LRRCC1: variants seen among roughly 807,000 people sequenced by gnomAD.
The protein encoded by LRRCC1 is leucine rich repeat and coiled-coil centrosomal protein 1, also known as leucine-rich repeat and coiled-coil domain-containing protein 1.
LRRCC1 carries 115 observed loss-of-function variants against 126.0 expected under a neutral mutation model. The observed-to-expected ratio is 0.91, with a 90% CI of 0.78 to 1.07. LRRCC1 has a LOEUF of 1.07. LRRCC1 is among the 50% of genes least tolerant of loss of function. LRRCC1 has a pLI of 0.00. For synonymous variants in LRRCC1, 400 were observed against 393.4 expected, an observed-to-expected ratio of 1.02 and a Z score of -0.20; for missense variants, 1,172 against 1,175.7, an observed-to-expected ratio of 1.00 and a Z score of 0.05.
intron 9 of LRRCC1, among the ~76,000 whole-genome samples, chr8:85,128,503 G>T (rs190235925): frequency 7.1e-6 from 1 of 141,700 alleles, no homozygotes; most frequent in African/African-American, 2.7e-5. Flanking sequence ...CCTTGGTAGG[G>T]ACTCTGTATC....
chr8:85,141,248 C>T, intron 17 of LRRCC1, 134 bp from the exon 18 acceptor site: 1 of 604,274 alleles, frequency 1.7e-6, no homozygotes, highest in Admixed American at 3.3e-5. Context: ...CTATAATAGC[C>T]TTTGATATTT....
Position 85,110,332 on chromosome 8 carries a change from A to G in LRRCC1, c.376+152A>G, listed in dbSNP as rs533030488. On this transcript the variant is annotated intron_variant, in intron 3 of 18. Coordinates refer to ENST00000360375, the MANE Select transcript of LRRCC1 (RefSeq NM_033402.5). ...GAGAGCGTATTCCAGTCATGATTCT[A>G]TTTTGTTGGTACCAAAACCACAGCT... 21 of 395,950 alleles carry G rather than the reference A, an allele frequency of 5.3e-5. No individual in the cohort carries two copies. In the Admixed American group the frequency reaches 6.8e-4, roughly 13 times the overall value. 24.5% of individuals were successfully genotyped at this position (395,950 alleles called of 1,614,324 possible).
chr8:85,124,166 A>G (rs1317282930), intron 7 of LRRCC1, among the ~76,000 whole-genome samples: 1 of 152,196 alleles, frequency 6.6e-6, no homozygotes. Flanking sequence ...TGGGATCACC[A>G]TGACAAGTGG....
At chr8:85,128,505 C>T (rs1412509987) in intron 9 of LRRCC1, among the ~76,000 whole-genome samples, 1 of 138,256 alleles carries the variant, frequency 7.2e-6, no homozygotes, top group East Asian at 2.3e-4. Context: ...TTGGTAGGGA[C>T]TCTGTATCCC....
At chr8:85,144,470 ATATAT>A (rs1170281131) in intron 18 of LRRCC1, among the ~76,000 whole-genome samples, 188 of 18,018 alleles carry the variant, frequency 0.01, no homozygotes, top group Non-Finnish European at 0.013. Context: ...ATATATATAT[ATATAT>A]TTTTTTTTTT....
chr8:85,107,627 A>G (rs1429001127), intron 1 of LRRCC1: 1 of 428,248 alleles, frequency 2.3e-6, no homozygotes, highest in Non-Finnish European at 4.2e-6. Context: ...AGCGTTTCAC[A>G]CGACTCTGCT....
intron 18 of LRRCC1, among the ~76,000 whole-genome samples, chr8:85,145,005 A>C (rs1349828702): frequency 1.3e-5 from 2 of 150,362 alleles, no homozygotes; most frequent in African/African-American, 4.9e-5. Flanking sequence ...GCGTGAACCC[A>C]GGAGGCGGAG....
At chr8:85,134,120 T>C (rs1050868153) in intron 12 of LRRCC1, among the ~76,000 whole-genome samples, 29 of 152,190 alleles carry the variant, frequency 1.9e-4, no homozygotes, top group African/African-American at 6.8e-4. Flanking sequence ...GCTCCATTGT[T>C]GCATTCTCAG....
intron 12 of LRRCC1, among the ~76,000 whole-genome samples, chr8:85,132,766 T>G (rs963520165): frequency 6.6e-6 from 1 of 152,180 alleles, no homozygotes; most frequent in South Asian, 2.1e-4. Context: ...TGGTACTTTC[T>G]AGAAAAAGTT....
chr8:85,143,512 G>A (rs1457698867), intron 18 of LRRCC1, among the ~76,000 whole-genome samples: 3 of 151,798 alleles, frequency 2.0e-5, no homozygotes, highest in African/African-American at 4.8e-5. Flanking sequence ...GGTGGTACAC[G>A]CCTGTAGACC....
Position 85,135,046 on chromosome 8 carries a change from A to G in LRRCC1, c.2154+14A>G. 1 of 1,455,040 alleles carries G rather than the reference A, an allele frequency of 6.9e-7. No homozygotes were observed. Among genetic ancestry groups the G allele is most frequent in the East Asian group, 2.6e-5 (1 of 38,438 alleles). 90.1% of individuals were successfully genotyped at this position (1,455,040 alleles called of 1,614,324 possible). A position where few individuals can be genotyped will look rare whatever the true frequency, so the allele number is the denominator to read the frequency against. ...GCAAATTTACAGGTAAGACTTTGCAACATTATATGTTTTAAAATTTTTTTA... is the reference window on the plus strand; with the variant it reads ...GCAAATTTACAGGTAAGACTTTGCAGCATTATATGTTTTAAAATTTTTTTA... On this transcript the variant is annotated intron_variant, in intron 13 of 18. Transcript: ENST00000360375.
rs200391239 is a variant in LRRCC1 at position 85,124,867 on chromosome 8, A to G, written c.1200A>G (p.Leu400=). Residue 400 remains leucine, a synonymous_variant, in exon 8 of 19, where the codon TTA becomes TTG. Transcript: ENST00000360375. ...CATCTTTAGCAAACTGTCCTATGTTACAAGAATCAGAAAAGCCAAAGACTG... is the reference window on the plus strand; with the variant it reads ...CATCTTTAGCAAACTGTCCTATGTTGCAAGAATCAGAAAAGCCAAAGACTG... ...VSSSLANCPM[L]QESEKPKTEI... 110 of 1,606,536 alleles carry G rather than the reference A, an allele frequency of 6.8e-5. No homozygotes were observed. The highest frequency in any genetic ancestry group is 2.7e-4 in the African/African-American group (20 of 74,830).
At chr8:85,118,882 AT>A (rs1225954168) in intron 6 of LRRCC1, among the ~76,000 whole-genome samples, 1 of 151,820 alleles carries the variant, frequency 6.6e-6, no homozygotes, top group Non-Finnish European at 1.5e-5. Flanking sequence ...CCAATTTATC[AT>A]TTTTTTCCCT....
At chr8:85,123,174 AGTTTTTATTTTT>A (rs956351707) in intron 6 of LRRCC1, among the ~76,000 whole-genome samples, 1 of 152,138 alleles carries the variant, frequency 6.6e-6, no homozygotes, top group African/African-American at 2.4e-5. Flanking sequence ...GCCTTCAAGT[AGTTTTTATTTTT>A]GTTTTGTTTG....
chr8:85,131,636 A>G, intron 11 of LRRCC1, 124 bp from the exon 12 acceptor site: 1 of 696,372 alleles, frequency 1.4e-6, no homozygotes, highest in Non-Finnish European at 2.4e-6. Context: ...TGCGTTTGAA[A>G]GTGAGAGGCT....
intron 6 of LRRCC1, among the ~76,000 whole-genome samples, chr8:85,116,834 T>C (rs1809162186): frequency 6.6e-6 from 1 of 152,202 alleles, no homozygotes; most frequent in African/African-American, 2.4e-5. Context: ...GAGGTCTGCC[T>C]TAGGTGAGTG....
Position 85,135,920 on chromosome 8 carries a change from A to G in LRRCC1, c.2286A>G (p.Leu762=), listed in dbSNP as rs1810825071. Residue 762 remains leucine (L), a synonymous_variant, in exon 14 of 19, where the codon TTA becomes TTG. Transcript: ENST00000360375. ...LAAKESLIFG[L]RTERKVWGHE... ...CCAAGGAATCACTAATATTTGGTTT[A>G]AGGACAGAAAGAAAAGTATGGGGAC... 1.2e-6 allele frequency: 2 copies of G among 1,602,564 alleles called. No individual in the cohort carries two copies. Among genetic ancestry groups the G allele is most frequent in the Non-Finnish European group, 1.7e-6 (2 of 1,174,740 alleles).
intron 4 of LRRCC1, among the ~76,000 whole-genome samples, chr8:85,113,803 A>G (rs967485209): frequency 3.3e-5 from 5 of 152,200 alleles, no homozygotes; most frequent in South Asian, 2.1e-4. Context: ...CTGAAATGCT[A>G]TTTGAGCTAA....
At position 85,145,551 on chromosome 8, in the gene LRRCC1, C is replaced by T. The variant is rs375305401; in HGVS notation, c.*40C>T. Reference sequence around the variant, plus strand: ...AATTTAATTGAAATAGACCAGCAGACCTATTGTAAAAATGATTAAATATTG... The same window carrying T: ...AATTTAATTGAAATAGACCAGCAGATCTATTGTAAAAATGATTAAATATTG... On this transcript the variant is annotated 3_prime_UTR_variant, in exon 19 of 19. Coordinates refer to ENST00000360375, the MANE Select transcript of LRRCC1 (RefSeq NM_033402.5). 3 of 1,514,588 alleles carry T rather than the reference C, an allele frequency of 2.0e-6. No individual in the cohort carries two copies. The African/African-American group carries it at 4.3e-5, about 22-fold the overall frequency. The allele number at this position is 1,514,588 out of a possible 1,614,324, so 93.8% of individuals were successfully genotyped here.
Sources: gnomAD v4.1 joint callset for allele counts (sites outside exome capture counted in the v4.1 genomes callset) on GRCh38, gnomAD v4.1.1 for gene constraint, MANE v1.5 for transcripts, NCBI Gene and HGNC (gene_info 2026-07-23, HGNC 2026-07-21) for gene names.